The following FAM149A variants were observed in gnomAD, a reference collection of about 807,000 sequenced individuals.
FAM149A encodes protein FAM149A.
Under a neutral mutation model 78.2 loss-of-function variants are expected in FAM149A, and 71 were observed. That is an observed-to-expected ratio of 0.91 (90% CI 0.75 to 1.11). FAM149A has a LOEUF of 1.11. Among genes scored for constraint, FAM149A ranks in the 50% least tolerant of loss-of-function variants. The pLI is 0.00. For synonymous variants in FAM149A, 446 were observed against 410.5 expected (o/e 1.09, Z -1.04); for missense variants, 1,036 against 971.0 (o/e 1.07, Z -0.89).
chr4:186,125,360 C>T (rs1171748040), intron 1 of FAM149A: 1 of 982,738 alleles, frequency 1.0e-6, no homozygotes, highest in African/African-American at 1.7e-5. Context: ...CCCACATCCC[C>T]TGCGGAGGTC....
At chr4:186,125,420 A>T in intron 1 of FAM149A, 1 of 812,550 alleles carries the variant, frequency 1.2e-6, no homozygotes, top group Non-Finnish European at 1.5e-6. Context: ...AGCCCCACAA[A>T]CACAGTAATG....
chr4:186,160,811 C>T (rs994498883), intron 8 of FAM149A: 2 of 984,980 alleles, frequency 2.0e-6, no homozygotes, highest in African/African-American at 3.5e-5. Context: ...CATCTCCCCA[C>T]ATGGGAGACA....
Position 186,172,577 on chromosome 4 carries a change from A to G in FAM149A, c.*590A>G, listed in dbSNP as rs1211893893. ...TCTCCCAAGCTAATTTTCTTTTTCT[A>G]TGTTCCATCTTCAAATTCAGACAGT... On this transcript the variant is annotated 3_prime_UTR_variant, in exon 14 of 14. Coordinates refer to ENST00000389354, the MANE Select transcript of FAM149A (RefSeq NM_001367768.3). 5 of 112,528 alleles carry G rather than the reference A, an allele frequency of 4.4e-5. 1 individual carries two copies. The highest frequency in any genetic ancestry group is 8.4e-5 in the African/African-American group (3 of 35,876). 7.0% of individuals were successfully genotyped at this position (112,528 alleles called of 1,614,324 possible). A position where few individuals can be genotyped will look rare whatever the true frequency, so the allele number is the denominator to read the frequency against.
At position 186,164,578 on chromosome 4, in the gene FAM149A, C is replaced by A; in HGVS notation, c.1890-766C>A. 1.4e-6 allele frequency: 1 copy of A among 737,240 alleles called. No homozygotes were observed. Among genetic ancestry groups the A allele is most frequent in the Non-Finnish European group, 1.7e-6 (1 of 603,248 alleles). The allele number at this position is 737,240 out of a possible 1,614,324, so 45.7% of individuals were successfully genotyped here. On this transcript the variant is annotated intron_variant, in intron 10 of 13. Coordinates refer to ENST00000389354, the MANE Select transcript of FAM149A (RefSeq NM_001367768.3). The surrounding 1 kb of genome is among the most constrained non-coding windows in gnomAD (Gnocchi z 4.0). ...ACTGATGTTTCCAGCTGTGTTGGGT[C>A]TGCTGTGCTGATTCCTTCGAGATCC...
chr4:186,149,086 T>C (rs761174241), intron 1 of FAM149A, 87 bp from the exon 2 acceptor site: 122 of 1,121,340 alleles, frequency 1.1e-4, no homozygotes, highest in Admixed American at 4.6e-4. Context: ...GGAGCAACTT[T>C]GTATAAAAGA....
Position 186,119,425 on chromosome 4 carries a change from A to G in FAM149A, c.566+13783A>G, listed in dbSNP as rs549979061. ...TGATTAATGATTATGGAACTTTGCAATGATTAAATATCATTCAGAAGCAGA... is the reference window on the plus strand; with the variant it reads ...TGATTAATGATTATGGAACTTTGCAGTGATTAAATATCATTCAGAAGCAGA... On this transcript the variant is annotated intron_variant, in intron 1 of 13. Coordinates refer to ENST00000389354, the MANE Select transcript of FAM149A (RefSeq NM_001367768.3). Among the ~76,000 whole-genome samples the G allele has an allele frequency of 3.6e-4, 55 of 152,366 alleles. 1 individual carries two copies. Among genetic ancestry groups the G allele is most frequent in the African/African-American group, 1.2e-3 (51 of 41,588 alleles).
At chr4:186,146,788 AT>A in intron 1 of FAM149A, 1 of 985,164 alleles carries the variant, frequency 1.0e-6, no homozygotes, top group Non-Finnish European at 1.2e-6. Context: ...TCTGGGGAAT[AT>A]TTTCATGTCA....
At chr4:186,153,900 A>G (rs1012610039) in intron 5 of FAM149A, 130 bp downstream of exon 5, 2 of 915,200 alleles carry the variant, frequency 2.2e-6, no homozygotes, top group Admixed American at 2.6e-5. Flanking sequence ...AAGGGCAGGT[A>G]CAGAGAACAA....
rs1734126012 is a variant in FAM149A, at chr4:186,157,426, TCC to T, written c.1421-138_1421-137del. The stretch of plus-strand genomic sequence containing the variant: ...AGTTGCTCCACAGGGGTCTCTGCCC[TCC>T]GTGGTAACATGTGGAGTGGCCGTAG... On this transcript the variant is annotated intron_variant, in intron 7 of 13. Transcript: ENST00000389354. 6.1e-6 allele frequency: 5 copies of T among 816,376 alleles called. No individual in the cohort carries two copies. In the South Asian group the frequency reaches 7.0e-5, roughly 11 times the overall value. 50.6% of individuals were successfully genotyped at this position (816,376 alleles called of 1,614,324 possible).
chr4:186,146,754 A>C (rs543007408), intron 1 of FAM149A: 1 of 976,336 alleles, frequency 1.0e-6, no homozygotes, highest in Admixed American at 6.1e-5. Context: ...TAACGAGTAA[A>C]ACGTTATCCA....
intron 1 of FAM149A, among the ~76,000 whole-genome samples, chr4:186,143,729 C>T (rs1203862468): frequency 6.6e-6 from 1 of 152,054 alleles, no homozygotes; most frequent in African/African-American, 2.4e-5. Flanking sequence ...TGGGGTTTCA[C>T]CATGTTGGCC....
chr4:186,112,373 T>C (rs1270228396), intron 1 of FAM149A, among the ~76,000 whole-genome samples: 3 of 116,220 alleles, frequency 2.6e-5, no homozygotes, highest in Admixed American at 1.0e-4. Flanking sequence ...CTTTTCCTAA[T>C]TGAATACCCT....
chr4:186,167,395 G>A (rs191693856), intron 13 of FAM149A, 133 bp downstream of exon 13: 27 of 870,902 alleles, frequency 3.1e-5, no homozygotes, highest in Admixed American at 1.5e-4. Flanking sequence ...TTTGGGGCCT[G>A]TGGCCTGACC....
At chr4:186,117,650 G>T (rs2099314299) in intron 1 of FAM149A, 2 of 985,378 alleles carry the variant, frequency 2.0e-6, no homozygotes, top group South Asian at 9.4e-5. Flanking sequence ...CACAGCTGTT[G>T]TGAAAAGCGT....
chr4:186,123,110 G>A (rs774219759), intron 1 of FAM149A: 41 of 452,818 alleles, frequency 9.1e-5, no homozygotes, highest in Non-Finnish European at 1.1e-4. Context: ...CATAGGCCAT[G>A]CCTCTGCATT....
At chr4:186,152,539 C>CTTTTTTT (rs10718602) in intron 4 of FAM149A, among the ~76,000 whole-genome samples, 180 of 88,264 alleles carry the variant, frequency 2.0e-3, no homozygotes, top group East Asian at 3.6e-3. Flanking sequence ...TTTCTTTTTG[C>CTTTTTTT]TTTTTTTTTT....
In FAM149A at chr4:186,164,471, C is replaced by A; in HGVS notation, c.1889+838C>A. The A allele has an allele frequency of 1.0e-6, 1 of 985,436 alleles. No individual in the cohort carries two copies. The highest frequency in any genetic ancestry group is 1.2e-6 in the Non-Finnish European group (1 of 829,914). 61.0% of individuals were successfully genotyped at this position (985,436 alleles called of 1,614,324 possible). On this transcript the variant is annotated intron_variant, in intron 10 of 13. Coordinates refer to ENST00000389354, the MANE Select transcript of FAM149A (RefSeq NM_001367768.3). The surrounding 1 kb of genome is among the most constrained non-coding windows in gnomAD (Gnocchi z 4.0). ...GGAGCGGGCGGCTGCCAACGCTTAC[C>A]TGGCACCCAGACTTTTTCCAGATGC...
At chr4:186,160,749 CCA>C (rs1734535732) in intron 8 of FAM149A, 1 of 964,532 alleles carries the variant, frequency 1.0e-6, no homozygotes, top group Admixed American at 6.6e-5. Context: ...ACACACCACA[CCA>C]CACCACACAC....
At position 186,127,987 on chromosome 4, in the gene FAM149A, C is replaced by CTTTTTTTTTTTT. The variant is rs61637634; in HGVS notation, c.567-21177_567-21166dup. On this transcript the variant is annotated intron_variant, in intron 1 of 13. Coordinates refer to ENST00000389354, the MANE Select transcript of FAM149A (RefSeq NM_001367768.3). ...ACAGGCATGAGCCACCATGCCCGGC[C>CTTTTTTTTTTTT]TTTTTTTTTTTTTTTTTTTTGATAC... 3.4e-4 allele frequency among the ~76,000 whole-genome samples: 21 copies of CTTTTTTTTTTTT among 62,388 alleles called. 1 individual carries two copies. The highest frequency in any genetic ancestry group is 4.1e-4 in the Non-Finnish European group (15 of 36,920). 40.9% of individuals were successfully genotyped at this position (62,388 alleles called of 152,430 possible). A position where few individuals can be genotyped will look rare whatever the true frequency, so the allele number is the denominator to read the frequency against.
Sources: gnomAD v4.1 joint callset for allele counts (sites outside exome capture counted in the v4.1 genomes callset) on GRCh38, gnomAD v4.1.1 for gene constraint, Gnocchi (gnomAD v3.1) non-coding constraint, MANE v1.5 for transcripts, NCBI Gene and HGNC (gene_info 2026-07-23, HGNC 2026-07-21) for gene names.